CPQ: variants seen among roughly 807,000 people sequenced by gnomAD.
The protein encoded by CPQ is Ser-Met dipeptidase.
Under a neutral mutation model 45.7 loss-of-function variants are expected in CPQ, and 37 were observed. That is an observed-to-expected ratio of 0.81 (90% CI 0.62 to 1.07). CPQ has a LOEUF of 1.07. Ranked by LOEUF, CPQ falls within the 50% of genes least tolerant of loss-of-function variation. The probability of loss-of-function intolerance (pLI) is 0.00; values close to 1 mark genes in which losing one functional copy is unlikely to be tolerated. For missense variants in CPQ, 537 were observed against 572.9 expected (o/e 0.94, Z 0.64); for synonymous variants, 186 against 205.8 (o/e 0.90, Z 0.82).
chr8:96,802,268 A>C (rs763555065), intron 2 of CPQ, among the ~76,000 whole-genome samples: 81 of 152,136 alleles, frequency 5.3e-4, no homozygotes, highest in Non-Finnish European at 9.6e-4. Context: ...TAGAGCTTCT[A>C]TCTTTTTTTT....
chr8:96,890,840 T>C (rs1464718712), intron 4 of CPQ, among the ~76,000 whole-genome samples: 5 of 152,346 alleles, frequency 3.3e-5, no homozygotes, highest in Non-Finnish European at 1.5e-5. Context: ...AGTGGGTCAC[T>C]AGGGGTGATG....
chr8:97,096,233 G>A (rs1811208641), intron 7 of CPQ, among the ~76,000 whole-genome samples: 1 of 152,102 alleles, frequency 6.6e-6, no homozygotes. Flanking sequence ...GTTATGAGTG[G>A]TAGAGCCAGG....
chr8:96,933,730 T>A (rs1813006279), intron 4 of CPQ, among the ~76,000 whole-genome samples: 1 of 152,070 alleles, frequency 6.6e-6, no homozygotes. Flanking sequence ...CAATGTAAGG[T>A]AATGTCTTTA....
At chr8:97,119,789 GTTTC>G (rs1811667083) in intron 7 of CPQ, among the ~76,000 whole-genome samples, 1 of 152,146 alleles carries the variant, frequency 6.6e-6, no homozygotes, top group Non-Finnish European at 1.5e-5. Context: ...AGTTTTAATT[GTTTC>G]TTTATCCCTT....
At chr8:96,755,032 C>T (rs549440391) in intron 1 of CPQ, among the ~76,000 whole-genome samples, 2 of 151,850 alleles carry the variant, frequency 1.3e-5, no homozygotes, top group South Asian at 4.1e-4. Flanking sequence ...TTTATTCTTC[C>T]TGCTTTTTTA....
At chr8:97,001,746 T>G (rs1379836191) in intron 5 of CPQ, among the ~76,000 whole-genome samples, 1 of 118,998 alleles carries the variant, frequency 8.4e-6, no homozygotes, top group Non-Finnish European at 1.8e-5. Context: ...TTTTTTTTTG[T>G]ATTTCTGCCA....
At chr8:97,116,104 G>GA (rs1811588266) in intron 7 of CPQ, among the ~76,000 whole-genome samples, 1 of 152,270 alleles carries the variant, frequency 6.6e-6, no homozygotes, top group African/African-American at 2.4e-5. Flanking sequence ...ATAGGGCCTT[G>GA]AGTAATGGAC....
chr8:96,966,675 A>C lies in CPQ; in HGVS notation c.961+629A>C, dbSNP rs140329504. Reference sequence around the variant, plus strand: ...ATGTCCCCTGGGGGGCCAGGGAAGCAGTTGCCCCATTTTGAGAACCACTAA... The same window carrying C: ...ATGTCCCCTGGGGGGCCAGGGAAGCCGTTGCCCCATTTTGAGAACCACTAA... On this transcript the variant is annotated intron_variant, in intron 5 of 7. Transcript: ENST00000220763. 9.3e-3 allele frequency among the ~76,000 whole-genome samples: 1,421 copies of C among 152,368 alleles called. 13 individuals carry two copies. The highest frequency in any genetic ancestry group is 0.078 in the Middle Eastern group (23 of 294).
At chr8:96,896,899 T>G (rs1812449545) in intron 4 of CPQ, among the ~76,000 whole-genome samples, 2 of 152,194 alleles carry the variant, frequency 1.3e-5, no homozygotes, top group African/African-American at 4.8e-5. Context: ...TAAACTGGAC[T>G]AGAAATTTAA....
chr8:96,930,711 G>C (rs1812962643), intron 4 of CPQ, among the ~76,000 whole-genome samples: 1 of 152,146 alleles, frequency 6.6e-6, no homozygotes, highest in Non-Finnish European at 1.5e-5. Flanking sequence ...ACAGACACCT[G>C]TCATTTGAAT....
chr8:96,850,078 G>A (rs539547590), intron 3 of CPQ, among the ~76,000 whole-genome samples: 65 of 152,122 alleles, frequency 4.3e-4, no homozygotes, highest in Non-Finnish European at 7.9e-4. Flanking sequence ...TTTGATCTCC[G>A]TAGGTCCCCC....
intron 1 of CPQ, among the ~76,000 whole-genome samples, chr8:96,762,610 C>A (rs1810418644): frequency 6.6e-6 from 1 of 152,116 alleles, no homozygotes; most frequent in Non-Finnish European, 1.5e-5. Context: ...GAAATAGTAT[C>A]CAGGCTCTCT....
chr8:96,679,482 G>C (rs943092279), intron 1 of CPQ, among the ~76,000 whole-genome samples: 1 of 152,058 alleles, frequency 6.6e-6, no homozygotes, highest in Non-Finnish European at 1.5e-5. Flanking sequence ...TTTTTGAATA[G>C]TTTGAGAAGA....
chr8:96,925,665 G>T (rs1030750340), intron 4 of CPQ, among the ~76,000 whole-genome samples: 1 of 151,198 alleles, frequency 6.6e-6, no homozygotes, highest in African/African-American at 2.4e-5. Flanking sequence ...TTACAGGCAT[G>T]AGCCACCGTG....
At chr8:96,654,358 C>T (rs963880166) in intron 1 of CPQ, among the ~76,000 whole-genome samples, 6 of 152,206 alleles carry the variant, frequency 3.9e-5, no homozygotes, top group African/African-American at 1.4e-4. Flanking sequence ...CAGTTTTCTC[C>T]TGCAGGAACT....
chr8:96,703,968 G>A (rs1324298857), intron 1 of CPQ, among the ~76,000 whole-genome samples: 1 of 152,160 alleles, frequency 6.6e-6, no homozygotes, highest in East Asian at 1.9e-4. Flanking sequence ...AAAATATGAT[G>A]TCCCTGAGAT....
chr8:96,687,064 G>C (rs923751979), intron 1 of CPQ, among the ~76,000 whole-genome samples: 4 of 151,796 alleles, frequency 2.6e-5, no homozygotes, highest in African/African-American at 7.3e-5. Flanking sequence ...AAAATGTTTT[G>C]GCGAGTTAAA....
chr8:96,826,937 T>C (rs1661459114), intron 2 of CPQ, among the ~76,000 whole-genome samples: 2 of 152,036 alleles, frequency 1.3e-5, no homozygotes, highest in Non-Finnish European at 2.9e-5. Context: ...GCTCCACCCA[T>C]GACCCTGCAA....
chr8:96,663,027 G>T (rs1808863002), intron 1 of CPQ, among the ~76,000 whole-genome samples: 1 of 152,140 alleles, frequency 6.6e-6, no homozygotes, highest in African/African-American at 2.4e-5. Context: ...ACTTTCTAGA[G>T]AATGGGTAAT....
Sources: gnomAD v4.1 joint callset for allele counts (sites outside exome capture counted in the v4.1 genomes callset) on GRCh38, gnomAD v4.1.1 for gene constraint, MANE v1.5 for transcripts, NCBI Gene and HGNC (gene_info 2026-07-23, HGNC 2026-07-21) for gene names.